The following PUM1 variants were observed in gnomAD, a reference collection of about 807,000 sequenced individuals.
PUM1 encodes the protein pumilio homolog 1.
In PUM1, 13 loss-of-function variants were observed where a neutral mutation model predicts 131.8. The observed-to-expected ratio is 0.10, with a 90% CI of 0.06 to 0.16. PUM1 has a LOEUF of 0.16. Ranked by LOEUF, PUM1 falls within the 10% of genes least tolerant of loss-of-function variation. The pLI is 1.00. For missense variants in PUM1, 961 were observed against 1,512.4 expected (o/e 0.64, Z 6.05); for synonymous variants, 509 against 556.5 (o/e 0.91, Z 1.20).
intron 1 of PUM1, among the ~76,000 whole-genome samples, chr1:31,060,462 A>C (rs867351151): frequency 6.6e-6 from 1 of 151,240 alleles, no homozygotes; most frequent in African/African-American, 2.4e-5. Context: ...CTCTCTCTCA[A>C]AAAATCAATC....
chr1:30,957,542 G>A (rs767185513), intron 14 of PUM1, among the ~76,000 whole-genome samples: 1 of 152,212 alleles, frequency 6.6e-6, no homozygotes, highest in Non-Finnish European at 1.5e-5. Flanking sequence ...AAGGGACAGT[G>A]GTGGATTTCA....
At chr1:30,967,400 G>A in intron 11 of PUM1, 90 bp from the exon 12 acceptor site, 1 of 1,374,126 alleles carries the variant, frequency 7.3e-7, no homozygotes, top group Non-Finnish European at 1.0e-6. Context: ...CACAAACTCA[G>A]CTTTGAGGTT....
chr1:30,939,880 A>T (rs1024599576), intron 20 of PUM1, among the ~76,000 whole-genome samples: 15 of 152,032 alleles, frequency 9.9e-5, no homozygotes, highest in African/African-American at 1.9e-4. Context: ...CTTTTTTTTT[A>T]AATTGTTTTT....
intron 7 of PUM1, among the ~76,000 whole-genome samples, chr1:30,986,512 T>G (rs1359985915): frequency 2.0e-5 from 3 of 152,028 alleles, no homozygotes; most frequent in African/African-American, 7.3e-5. Flanking sequence ...ATTACAATGA[T>G]TTTTCGTAGG....
chr1:30,969,862 C>T (rs1030837391), intron 10 of PUM1, among the ~76,000 whole-genome samples: 1 of 152,146 alleles, frequency 6.6e-6, no homozygotes, highest in Non-Finnish European at 1.5e-5. Context: ...AGGGTCTCAC[C>T]ATGTTGTTCA....
intron 3 of PUM1, among the ~76,000 whole-genome samples, chr1:31,026,573 A>G (rs749438702): frequency 6.6e-6 from 1 of 152,222 alleles, no homozygotes; most frequent in Non-Finnish European, 1.5e-5. Context: ...CACACTTAGG[A>G]AATGTTTTAC....
chr1:31,063,821 G>A (rs1644419374), intron 1 of PUM1, among the ~76,000 whole-genome samples: 1 of 152,100 alleles, frequency 6.6e-6, no homozygotes, highest in South Asian at 2.1e-4. Flanking sequence ...AAGAGGCAAG[G>A]CAGTTTCTCA....
intron 3 of PUM1, among the ~76,000 whole-genome samples, chr1:31,008,900 G>A (rs1269775968): frequency 2.6e-5 from 4 of 151,802 alleles, no homozygotes; most frequent in East Asian, 1.9e-4. Context: ...AAGGCCGGGC[G>A]CGGTGGCTCA....
chr1:30,967,397 T>C, intron 11 of PUM1, 87 bp from the exon 12 acceptor site: 1 of 1,410,524 alleles, frequency 7.1e-7, no homozygotes, highest in South Asian at 1.3e-5. Context: ...AATCACAAAC[T>C]CAGCTTTGAG....
intron 12 of PUM1, 193 bp downstream of exon 12, chr1:30,966,973 CA>C: frequency 1.6e-6 from 1 of 619,286 alleles, no homozygotes; most frequent in Non-Finnish European, 2.6e-6. Context: ...ACCCCTCCCC[CA>C]ACCCACCAAC....
chr1:30,977,338 G>A (rs1468256734), intron 9 of PUM1, among the ~76,000 whole-genome samples: 1 of 152,144 alleles, frequency 6.6e-6, no homozygotes, highest in Non-Finnish European at 1.5e-5. Context: ...CATGTTGGGA[G>A]TACAGCCGTA....
chr1:30,952,403 G>A (rs753928699), intron 15 of PUM1, 40 bp from the exon 16 acceptor site: 1 of 1,612,970 alleles, frequency 6.2e-7, no homozygotes, highest in Non-Finnish European at 8.5e-7. Context: ...AGCACTGAAG[G>A]AAGACCTGGA....
chr1:30,946,879 TG>T (rs1206424726), intron 17 of PUM1, among the ~76,000 whole-genome samples: 1 of 151,922 alleles, frequency 6.6e-6, no homozygotes. Context: ...ACCAGAAGCC[TG>T]GGTGACAGAG....
chr1:31,024,579 T>C (rs1643156807), intron 3 of PUM1, among the ~76,000 whole-genome samples: 1 of 152,216 alleles, frequency 6.6e-6, no homozygotes, highest in Admixed American at 6.5e-5. Context: ...CCATTTGTTG[T>C]AGAAATAAGC....
chr1:31,013,934 C>T (rs1334490379), intron 3 of PUM1, among the ~76,000 whole-genome samples: 1 of 152,166 alleles, frequency 6.6e-6, no homozygotes, highest in African/African-American at 2.4e-5. Context: ...TAAAACATAT[C>T]TTTAAGAAAA....
intron 3 of PUM1, among the ~76,000 whole-genome samples, chr1:31,028,252 A>ATGAC (rs998550322): frequency 7.0e-4 from 106 of 152,322 alleles, no homozygotes; most frequent in African/African-American, 2.3e-3. Context: ...CCTGTAATGG[A>ATGAC]TGACTGGCTC....
chr1:31,041,369 G>A (rs962668483), intron 2 of PUM1, among the ~76,000 whole-genome samples: 2 of 151,708 alleles, frequency 1.3e-5, no homozygotes, highest in South Asian at 2.1e-4. Flanking sequence ...GAGCCATCAC[G>A]GCCAGTCAAA....
rs922793708 is a variant in PUM1 at position 30,974,709 on chromosome 1, G to A, written c.1448C>T (p.Ala483Val). 3 of 1,610,336 alleles carry A rather than the reference G, an allele frequency of 1.9e-6. No homozygotes were observed. Among genetic ancestry groups the A allele is most frequent in the Non-Finnish European group, 1.7e-6 (2 of 1,179,044 alleles). The part of the protein sequence containing the change: ...LFQQQAAAAA[A>V]ATNSANQQTT... ...CTGTTGATTAGCTGAATTAGTTGCT[G>A]CAGCGGCAGCGGCAGCTTGCTGCTG... Residue 483 changes from alanine (A) to valine (V), a missense_variant, in exon 10 of 22, where the codon GCA becomes GTA. Coordinates refer to ENST00000426105, the MANE Select transcript of PUM1 (RefSeq NM_001020658.2).
At chr1:31,045,960 T>C (rs1643947715) in intron 2 of PUM1, among the ~76,000 whole-genome samples, 1 of 152,100 alleles carries the variant, frequency 6.6e-6, no homozygotes, top group African/African-American at 2.4e-5. Context: ...TGCATGCTTG[T>C]AATCCCGGCT....
Sources: gnomAD v4.1 joint callset for allele counts (sites outside exome capture counted in the v4.1 genomes callset) on GRCh38, gnomAD v4.1.1 for gene constraint, MANE v1.5 for transcripts, NCBI Gene and HGNC (gene_info 2026-07-23, HGNC 2026-07-21) for gene names.